The following TOX variants were observed in gnomAD, a reference collection of about 807,000 sequenced individuals.
TOX encodes the protein thymocyte selection associated high mobility group box.
A neutral mutation model predicts 53.7 loss-of-function variants in TOX; 11 were observed. The ratio of observed to expected loss-of-function variants is 0.20; its 90% CI spans 0.13 to 0.34. TOX has a LOEUF of 0.34. TOX is among the 10% of genes least tolerant of loss of function. The pLI is 1.00. For missense variants in TOX, 570 were observed against 664.6 expected (o/e 0.86, Z 1.56); for synonymous variants, 225 against 245.3 (o/e 0.92, Z 0.77).
chr8:59,116,711 G>A (rs1340447097), intron 1 of TOX, among the ~76,000 whole-genome samples: 1 of 152,178 alleles, frequency 6.6e-6, no homozygotes, highest in Non-Finnish European at 1.5e-5. Context: ...CATGTCTTAT[G>A]ACTTTGGATT....
chr8:58,993,423 A>T (rs926652782), intron 1 of TOX, among the ~76,000 whole-genome samples: 3 of 152,222 alleles, frequency 2.0e-5, no homozygotes, highest in Non-Finnish European at 2.9e-5. Context: ...CAGAAGGATG[A>T]ACCTGTCAAG....
chr8:59,003,939 A>C (rs1435871994), intron 1 of TOX, among the ~76,000 whole-genome samples: 1 of 152,208 alleles, frequency 6.6e-6, no homozygotes, highest in African/African-American at 2.4e-5. Flanking sequence ...AAGACCAAAA[A>C]GTAAGAGTTT....
chr8:58,838,699 C>CTTTTTTTTTTTTTTTTT lies in TOX; in HGVS notation c.694-405_694-389dup, dbSNP rs35347981. 3.6e-3 allele frequency among the ~76,000 whole-genome samples: 317 copies of CTTTTTTTTTTTTTTTTT among 88,860 alleles called. 47 individuals are homozygous for CTTTTTTTTTTTTTTTTT. The highest frequency in any genetic ancestry group is 0.012 in the African/African-American group (197 of 16,720). The allele number at this position is 88,860 out of a possible 152,430, so 58.3% of individuals were successfully genotyped here. Reference sequence around the variant, plus strand: ...TTTCTTCTAAGGAAGTTATCCTTGTCTTTTTTTTTTTTTTTTTTTTTGAGA... The same window carrying CTTTTTTTTTTTTTTTTT: ...TTTCTTCTAAGGAAGTTATCCTTGTCTTTTTTTTTTTTTTTTTTTTTTTTTTTTTTTTTTTTTTGAGA... On this transcript the variant is annotated intron_variant, in intron 4 of 8. Transcript: ENST00000361421.
chr8:58,928,324 C>T (rs1437516493), intron 3 of TOX, among the ~76,000 whole-genome samples: 1 of 152,216 alleles, frequency 6.6e-6, no homozygotes, highest in African/African-American at 2.4e-5. Flanking sequence ...AACAACCGCA[C>T]ACAAGAAAAA....
Position 59,117,597 on chromosome 8 carries a change from T to A in TOX, c.102+1289A>T, listed in dbSNP as rs1458882793. Among the ~76,000 whole-genome samples the A allele has an allele frequency of 1.3e-5, 2 of 152,240 alleles. No homozygotes were observed. The highest frequency in any genetic ancestry group is 2.9e-5 in the Non-Finnish European group (2 of 68,036). On this transcript the variant is annotated intron_variant, in intron 1 of 8. Transcript: ENST00000361421. This position sits in a 1 kb window ranked among gnomAD's most constrained non-coding sequence, Gnocchi z 4.6. ...GACTCGGAGCTGCGACTCGGTCGCG[T>A]GGTGCGGAGTCCAGGGCTGAGAAGG...
At position 58,818,150 on chromosome 8, in the gene TOX, A is replaced by C. The variant is rs536815845; in HGVS notation, c.1006-2426T>G. Among the ~76,000 whole-genome samples, 3 of 152,180 alleles carry C rather than the reference A, an allele frequency of 2.0e-5. No homozygotes were observed. The East Asian group carries it at 5.8e-4, about 29-fold the overall frequency. ...TTTTTTCATGGATAATTAAACACAA[A>C]ACATTTTCTCTATCTAGCCACTTAT... On this transcript the variant is annotated intron_variant, in intron 6 of 8. Coordinates refer to ENST00000361421, the MANE Select transcript of TOX (RefSeq NM_014729.3).
intron 3 of TOX, among the ~76,000 whole-genome samples, chr8:58,898,766 G>A (rs893596204): frequency 1.3e-5 from 2 of 152,184 alleles, no homozygotes; most frequent in African/African-American, 4.8e-5. Context: ...CGAGGACACT[G>A]ACTAAGATTC....
At chr8:59,020,166 T>C (rs1041822628) in intron 1 of TOX, among the ~76,000 whole-genome samples, 1 of 152,170 alleles carries the variant, frequency 6.6e-6, no homozygotes, top group Non-Finnish European at 1.5e-5. Flanking sequence ...CTATAGAAAG[T>C]ATTTGTTTCA....
intron 1 of TOX, among the ~76,000 whole-genome samples, chr8:59,105,698 T>C (rs1191209540): frequency 6.6e-6 from 1 of 152,186 alleles, no homozygotes; most frequent in Admixed American, 6.5e-5. Flanking sequence ...CCCTACTTAT[T>C]ACTCTAGTTA....
intron 1 of TOX, among the ~76,000 whole-genome samples, chr8:59,095,219 G>C (rs1804694751): frequency 6.6e-6 from 1 of 151,924 alleles, no homozygotes; most frequent in African/African-American, 2.4e-5. Context: ...TATACATAAA[G>C]GTAATATTCG....
At chr8:58,812,019 T>C (rs1585837742) in intron 7 of TOX, among the ~76,000 whole-genome samples, 1 of 152,228 alleles carries the variant, frequency 6.6e-6, no homozygotes, top group African/African-American at 2.4e-5. Context: ...TCTCTCTTTC[T>C]CTCTCTCTGT....
chr8:58,960,225 A>G (rs1466293958), intron 1 of TOX, among the ~76,000 whole-genome samples: 1 of 152,216 alleles, frequency 6.6e-6, no homozygotes, highest in African/African-American at 2.4e-5. Flanking sequence ...GATTTGGAGT[A>G]ATTAGTGCTC....
At chr8:59,096,706 G>A (rs544299589) in intron 1 of TOX, among the ~76,000 whole-genome samples, 5 of 152,192 alleles carry the variant, frequency 3.3e-5, no homozygotes, top group South Asian at 2.1e-4. Context: ...GGAGAGACTC[G>A]CCTATGATTC....
At chr8:59,092,271 A>AT (rs1804624837) in intron 1 of TOX, among the ~76,000 whole-genome samples, 2 of 125,122 alleles carry the variant, frequency 1.6e-5, no homozygotes, top group African/African-American at 3.8e-5. Flanking sequence ...TATTTTATAT[A>AT]TATATATATA....
chr8:58,969,041 T>C (rs1563404250), intron 1 of TOX, among the ~76,000 whole-genome samples: 1 of 152,198 alleles, frequency 6.6e-6, no homozygotes, highest in Non-Finnish European at 1.5e-5. Context: ...AGATTCTCAC[T>C]TCCCTATTAT....
At chr8:59,085,538 G>A (rs774513453) in intron 1 of TOX, among the ~76,000 whole-genome samples, 5 of 152,028 alleles carry the variant, frequency 3.3e-5, no homozygotes, top group Admixed American at 6.6e-5. Flanking sequence ...ACAGGCATGC[G>A]CCACCACACT....
intron 3 of TOX, among the ~76,000 whole-genome samples, chr8:58,932,282 GAA>G (rs35387167): frequency 1.1e-3 from 163 of 148,430 alleles, no homozygotes; most frequent in Admixed American, 9.3e-4. Flanking sequence ...GATAATTTGT[GAA>G]AAAAAAAAAC....
chr8:58,829,189 A>G (rs777384992), intron 5 of TOX, among the ~76,000 whole-genome samples: 1 of 152,172 alleles, frequency 6.6e-6, no homozygotes, highest in Non-Finnish European at 1.5e-5. Context: ...CCCTTTGTTG[A>G]GCTCCTGGCA....
At chr8:58,936,094 T>C (rs934032543) in intron 3 of TOX, among the ~76,000 whole-genome samples, 7 of 152,206 alleles carry the variant, frequency 4.6e-5, no homozygotes, top group South Asian at 2.1e-4. Context: ...GCTTTCGTAA[T>C]ACTTTTGCCC....
Sources: allele counts gnomAD v4.1 joint callset (sites outside exome capture counted in the v4.1 genomes callset), GRCh38; gene constraint gnomAD v4.1.1; non-coding constraint Gnocchi (gnomAD v3.1); transcripts MANE v1.5; gene names NCBI Gene and HGNC (gene_info 2026-07-23, HGNC 2026-07-21).